DLG2: variants seen among roughly 807,000 people sequenced by gnomAD.
DLG2 encodes disks large homolog 2.
In DLG2, 45 loss-of-function variants were observed where a neutral mutation model predicts 132.5. The observed-to-expected ratio is 0.34, with a 90% CI of 0.27 to 0.44. The LOEUF (loss-of-function observed/expected upper bound fraction) is 0.44, where lower values mean the gene tolerates loss of function less well. Ranked by LOEUF, DLG2 falls within the 20% of genes least tolerant of loss-of-function variation. The probability of loss-of-function intolerance (pLI) is 1.00; values close to 1 mark genes in which losing one functional copy is unlikely to be tolerated. For synonymous variants in DLG2, 424 were observed against 419.6 expected (o/e 1.01, Z -0.13); for missense variants, 1,045 against 1,196.9 (o/e 0.87, Z 1.87).
At chr11:85,382,534 G>A (rs1426398572) in intron 3 of DLG2, among the ~76,000 whole-genome samples, 1 of 151,906 alleles carries the variant, frequency 6.6e-6, no homozygotes, top group African/African-American at 2.4e-5. Flanking sequence ...TACTCCAAGT[G>A]AAACTATGAA....
chr11:83,522,763 T>A (rs1223011002), intron 21 of DLG2, among the ~76,000 whole-genome samples: 1 of 151,416 alleles, frequency 6.6e-6, no homozygotes, highest in Non-Finnish European at 1.5e-5. Flanking sequence ...CTCCAGGTCA[T>A]GTAGTCAGAA....
chr11:84,914,112 A>C (rs1347571639), intron 6 of DLG2, among the ~76,000 whole-genome samples: 2 of 152,236 alleles, frequency 1.3e-5, no homozygotes, highest in Non-Finnish European at 2.9e-5. Context: ...ACCTATAGAA[A>C]TAAATAACAA....
intron 18 of DLG2, chr11:83,693,650 C>G (rs1435396523): frequency 6.6e-6 from 1 of 152,196 alleles, no homozygotes; most frequent in African/African-American, 2.4e-5. Context: ...ATCCTACACT[C>G]TAAATGTGGA....
At chr11:84,607,817 T>A (rs2099588454) in intron 6 of DLG2, among the ~76,000 whole-genome samples, 1 of 152,004 alleles carries the variant, frequency 6.6e-6, no homozygotes, top group Non-Finnish European at 1.5e-5. Context: ...GGTAACCTAA[T>A]CTCTAATATG....
rs1192047786 is a variant in DLG2 at position 84,907,939 on chromosome 11, T to C, written c.357+203722A>G. Among the ~76,000 whole-genome samples, 4 of 152,290 alleles carry C rather than the reference T, an allele frequency of 2.6e-5. No individual in the cohort carries two copies. The South Asian group carries it at 8.3e-4, about 32-fold the overall frequency. ...GTTCCCTTTTAAATCTAGCATTCAATGGTTGTGTCAAGATCCAGGACTACA... is the reference window on the plus strand; with the variant it reads ...GTTCCCTTTTAAATCTAGCATTCAACGGTTGTGTCAAGATCCAGGACTACA... On this transcript the variant is annotated intron_variant, in intron 6 of 27. Coordinates refer to ENST00000376104, the MANE Select transcript of DLG2 (RefSeq NM_001142699.3).
chr11:85,546,162 A>C (rs1232515814), intron 3 of DLG2, among the ~76,000 whole-genome samples: 1 of 152,140 alleles, frequency 6.6e-6, no homozygotes, highest in Non-Finnish European at 1.5e-5. Context: ...ACTGCTTTAA[A>C]TGTGTCCCAG....
At chr11:83,556,499 T>C (rs1225906) in intron 19 of DLG2, among the ~76,000 whole-genome samples, 71,393 of 151,224 alleles carry the variant, frequency 0.47, 17,407 homozygotes, top group Admixed American at 0.57. Context: ...CAGCCTCCTG[T>C]GTAGCTGGGA....
intron 11 of DLG2, among the ~76,000 whole-genome samples, chr11:84,048,400 A>G (rs1049048488): frequency 2.0e-5 from 3 of 151,624 alleles, no homozygotes; most frequent in African/African-American, 7.3e-5. Context: ...CTAAAAGGAA[A>G]ATGTAGTGTT....
intron 7 of DLG2, among the ~76,000 whole-genome samples, chr11:84,431,048 G>C (rs1440826217): frequency 1.3e-5 from 2 of 152,068 alleles, no homozygotes; most frequent in East Asian, 1.9e-4. Flanking sequence ...GAGGACTGGT[G>C]AATCTTCAAT....
intron 18 of DLG2, among the ~76,000 whole-genome samples, chr11:83,773,916 A>C (rs2094490401): frequency 6.6e-6 from 1 of 152,214 alleles, no homozygotes; most frequent in Admixed American, 6.5e-5. Flanking sequence ...TAAGCACACA[A>C]ATACCTTAAT....
At chr11:84,938,676 A>G (rs1448219232) in intron 6 of DLG2, among the ~76,000 whole-genome samples, 5 of 152,190 alleles carry the variant, frequency 3.3e-5, no homozygotes, top group Non-Finnish European at 7.4e-5. Context: ...CAAAATGTAT[A>G]TGGAACAATC....
chr11:84,998,745 G>A (rs926661855), intron 6 of DLG2, among the ~76,000 whole-genome samples: 11 of 151,936 alleles, frequency 7.2e-5, no homozygotes, highest in African/African-American at 2.4e-4. Flanking sequence ...ACCATAAGCG[G>A]ATTTTTTTTT....
At chr11:83,691,599 A>G (rs537587746) in intron 18 of DLG2, among the ~76,000 whole-genome samples, 180 of 152,216 alleles carry the variant, frequency 1.2e-3, no homozygotes, top group Admixed American at 1.9e-3. Flanking sequence ...TTCTTTCCCA[A>G]CGAACTTCAA....
At chr11:84,063,664 G>A (rs1389184953) in intron 10 of DLG2, among the ~76,000 whole-genome samples, 5 of 152,062 alleles carry the variant, frequency 3.3e-5, no homozygotes, top group Non-Finnish European at 7.3e-5. Context: ...ACATGCACAC[G>A]TATGTTTATT....
chr11:84,743,896 T>G (rs2065017348), intron 6 of DLG2, among the ~76,000 whole-genome samples: 1 of 152,128 alleles, frequency 6.6e-6, no homozygotes, highest in Non-Finnish European at 1.5e-5. Flanking sequence ...GGCTAATTTT[T>G]TGTATTTTTA....
intron 3 of DLG2, among the ~76,000 whole-genome samples, chr11:85,547,651 A>G (rs1055862192): frequency 1.3e-5 from 2 of 152,134 alleles, no homozygotes; most frequent in African/African-American, 2.4e-5. Flanking sequence ...CTTTTCACAT[A>G]GTCCCAGATT....
chr11:85,200,562 C>A lies in DLG2; in HGVS notation c.187-45911G>T, dbSNP rs573915677. 7.9e-5 allele frequency among the ~76,000 whole-genome samples: 12 copies of A among 152,242 alleles called. No individual in the cohort carries two copies. The East Asian group carries it at 2.3e-3, about 29-fold the overall frequency. On this transcript the variant is annotated intron_variant, in intron 4 of 27. Coordinates refer to ENST00000376104, the MANE Select transcript of DLG2 (RefSeq NM_001142699.3). Reference sequence around the variant, plus strand: ...TTGCATTGCAGTTGGAGAACTACCCCATCTATGCAGGGACTTGCTGGGAGA... The same window carrying A: ...TTGCATTGCAGTTGGAGAACTACCCAATCTATGCAGGGACTTGCTGGGAGA...
chr11:84,859,321 A>G (rs1214617404), intron 6 of DLG2, among the ~76,000 whole-genome samples: 3 of 140,520 alleles, frequency 2.1e-5, no homozygotes, highest in Non-Finnish European at 3.2e-5. Context: ...ATATATGTAT[A>G]TCTACATATA....
chr11:85,270,400 T>C (rs1257041140), intron 4 of DLG2, among the ~76,000 whole-genome samples: 1 of 152,220 alleles, frequency 6.6e-6, no homozygotes, highest in African/African-American at 2.4e-5. Context: ...ATTAAACCTC[T>C]TTCTTTTGTC....
Sources: allele counts gnomAD v4.1 joint callset (sites outside exome capture counted in the v4.1 genomes callset), GRCh38; gene constraint gnomAD v4.1.1; transcripts MANE v1.5; gene names NCBI Gene and HGNC (gene_info 2026-07-23, HGNC 2026-07-21).